MSI2: variants seen among roughly 807,000 people sequenced by gnomAD.
The protein encoded by MSI2 is RNA-binding protein Musashi homolog 2.
A neutral mutation model predicts 45.6 loss-of-function variants in MSI2; 17 were observed. The ratio of observed to expected loss-of-function variants is 0.37; its 90% CI spans 0.26 to 0.56. The LOEUF (loss-of-function observed/expected upper bound fraction) is 0.56. MSI2 is among the 20% of genes least tolerant of loss of function. The pLI is 0.77. For synonymous variants in MSI2, 156 were observed against 158.2 expected, an observed-to-expected ratio of 0.99 and a Z score of 0.11; for missense variants, 293 against 444.2, an observed-to-expected ratio of 0.66 and a Z score of 3.06.
At chr17:57,526,408 T>A (rs62058099) in intron 6 of MSI2, among the ~76,000 whole-genome samples, 18 of 118,582 alleles carry the variant, frequency 1.5e-4, no homozygotes, top group South Asian at 2.7e-4. Flanking sequence ...TGTGTGTGTG[T>A]GACAGAGAGA....
At chr17:57,640,435 A>T (rs1318121091) in intron 10 of MSI2, among the ~76,000 whole-genome samples, 1 of 152,224 alleles carries the variant, frequency 6.6e-6, no homozygotes, top group African/African-American at 2.4e-5. Flanking sequence ...CACCAAAGGG[A>T]TTTCTCAGCT....
intron 6 of MSI2, among the ~76,000 whole-genome samples, chr17:57,512,682 G>T (rs2086380160): frequency 1.3e-5 from 2 of 152,282 alleles, no homozygotes; most frequent in South Asian, 4.2e-4. Flanking sequence ...CAGCCTTGTG[G>T]CAGGACACGG....
intron 6 of MSI2, among the ~76,000 whole-genome samples, chr17:57,488,269 A>T (rs1182303222): frequency 6.6e-6 from 1 of 152,202 alleles, no homozygotes; most frequent in Non-Finnish European, 1.5e-5. Context: ...ATTTCCATAC[A>T]TCCTAAACAT....
At chr17:57,414,961 T>C (rs148422217) in intron 6 of MSI2, among the ~76,000 whole-genome samples, 7 of 152,192 alleles carry the variant, frequency 4.6e-5, no homozygotes, top group African/African-American at 1.4e-4. Flanking sequence ...AGGGTAAAAA[T>C]TGGGATATGC....
At chr17:57,636,550 G>C (rs987045273) in intron 10 of MSI2, among the ~76,000 whole-genome samples, 1 of 152,174 alleles carries the variant, frequency 6.6e-6, no homozygotes, top group Non-Finnish European at 1.5e-5. Context: ...TCCTGCCTTG[G>C]CGTCTCCTGT....
intron 5 of MSI2, among the ~76,000 whole-genome samples, chr17:57,379,358 T>C (rs2083557992): frequency 6.7e-6 from 1 of 148,724 alleles, no homozygotes; most frequent in Non-Finnish European, 1.5e-5. Flanking sequence ...GGTCTCTCAC[T>C]GGTACTTTAT....
chr17:57,342,140 G>T (rs888975880), intron 5 of MSI2, among the ~76,000 whole-genome samples: 1 of 152,182 alleles, frequency 6.6e-6, no homozygotes, highest in African/African-American at 2.4e-5. Flanking sequence ...GGATGGCCCC[G>T]TAATGAGAAT....
At chr17:57,602,065 T>C (rs1328310322) in intron 8 of MSI2, 2 of 152,228 alleles carry the variant, frequency 1.3e-5, no homozygotes, top group African/African-American at 2.4e-5. Context: ...AGAGTTTTTA[T>C]TTGCTTCATA....
intron 6 of MSI2, among the ~76,000 whole-genome samples, chr17:57,460,552 T>C (rs1009486305): frequency 2.6e-5 from 4 of 151,922 alleles, no homozygotes; most frequent in Non-Finnish European, 4.4e-5. Context: ...GGCAGAGGAA[T>C]CATGAGGAGC....
At chr17:57,582,816 GT>G (rs1188858822) in intron 7 of MSI2, among the ~76,000 whole-genome samples, 1 of 151,740 alleles carries the variant, frequency 6.6e-6, no homozygotes, top group African/African-American at 2.4e-5. Context: ...AAATGTTCAT[GT>G]TTTTTTTCAA....
At position 57,684,143 on chromosome 17, in the gene MSI2, A is replaced by G. The variant is rs1913788168; in HGVS notation, c.*4626A>G. 4.6e-6 allele frequency: 1 copy of G among 219,266 alleles called. No homozygotes were observed. The highest frequency in any genetic ancestry group is 2.2e-5 in the African/African-American group (1 of 44,628). The allele number at this position is 219,266 out of a possible 1,614,324, so 13.6% of individuals were successfully genotyped here. A position where few individuals can be genotyped will look rare whatever the true frequency, so the allele number is the denominator to read the frequency against. ...CCGGAGGCTGAGAGACAAAAGTTCC[A>G]GAGCCTCCCTCGAAGGTTCTCTACT... On this transcript the variant is annotated 3_prime_UTR_variant, in exon 14 of 14. Coordinates refer to ENST00000284073, the MANE Select transcript of MSI2 (RefSeq NM_138962.4).
At chr17:57,553,639 C>T (rs773570474) in intron 7 of MSI2, among the ~76,000 whole-genome samples, 1 of 152,184 alleles carries the variant, frequency 6.6e-6, no homozygotes, top group Non-Finnish European at 1.5e-5. Context: ...GGCTCTGAAT[C>T]ATCCTTCGAT....
intron 5 of MSI2, among the ~76,000 whole-genome samples, chr17:57,298,291 C>G (rs551938417): frequency 6.6e-6 from 1 of 152,200 alleles, no homozygotes; most frequent in Non-Finnish European, 1.5e-5. Context: ...ATACCTCCAT[C>G]AGAGCTCTTG....
At position 57,616,045 on chromosome 17, in the gene MSI2, T is replaced by G. The variant is rs1388073276; in HGVS notation, c.613T>G (p.Tyr205Asp). The G allele has an allele frequency of 6.2e-7, 1 of 1,614,176 alleles. No homozygotes were observed. The highest frequency in any genetic ancestry group is 8.5e-7 in the Non-Finnish European group (1 of 1,180,018). The change falls in exon 9 of 14, where the codon TAC (tyrosine) becomes GAC (aspartate). Residue 205 changes from tyrosine (Y) to aspartate (D), a missense_variant. Coordinates refer to ENST00000284073, the MANE Select transcript of MSI2 (RefSeq NM_138962.4). ...AAGAGGCCGGGCCCGGGGACTGCCTTACACCATGGACGCGTTCATGCTTGG... is the reference window on the plus strand; with the variant it reads ...AAGAGGCCGGGCCCGGGGACTGCCTGACACCATGGACGCGTTCATGCTTGG... ...GTRGRARGLP[Y>D]TMDAFMLGMG...
At chr17:57,370,486 G>C (rs2083404486) in intron 5 of MSI2, among the ~76,000 whole-genome samples, 2 of 152,180 alleles carry the variant, frequency 1.3e-5, no homozygotes. Flanking sequence ...TGTGGCCTCT[G>C]TTGCTCTCTC....
chr17:57,691,200 C>CTATCTATCT, the MSI2 span, among the ~76,000 whole-genome samples: 1 of 140,206 alleles, frequency 7.1e-6, no homozygotes, highest in South Asian at 2.6e-4. Context: ...CTCTCTCTCT[C>CTATCTATCT]ATCTATCTAT....
intron 5 of MSI2, among the ~76,000 whole-genome samples, chr17:57,362,819 A>C (rs1287932785): frequency 6.6e-6 from 1 of 152,230 alleles, no homozygotes; most frequent in Non-Finnish European, 1.5e-5. Flanking sequence ...AAAAAGAGTC[A>C]GGAGATGCGA....
chr17:57,443,409 C>A (rs545965564), intron 6 of MSI2, among the ~76,000 whole-genome samples: 2 of 152,332 alleles, frequency 1.3e-5, no homozygotes, highest in Admixed American at 1.3e-4. Flanking sequence ...GTGGCACCGG[C>A]AGGAACTGCC....
chr17:57,424,642 T>G (rs2084458289), intron 6 of MSI2, among the ~76,000 whole-genome samples: 1 of 152,130 alleles, frequency 6.6e-6, no homozygotes, highest in African/African-American at 2.4e-5. Flanking sequence ...GCTCTGGACA[T>G]CTCCTGATGC....
Sources: gnomAD v4.1 joint callset for allele counts (sites outside exome capture counted in the v4.1 genomes callset) on GRCh38, gnomAD v4.1.1 for gene constraint, MANE v1.5 for transcripts, NCBI Gene and HGNC (gene_info 2026-07-23, HGNC 2026-07-21) for gene names.